The following TAFA2 variants were observed in gnomAD, a reference collection of about 807,000 sequenced individuals.
TAFA2 encodes the protein TAFA chemokine like family member 2.
A neutral mutation model predicts 18.8 loss-of-function variants in TAFA2; 7 were observed. That is an observed-to-expected ratio of 0.37 (90% confidence interval 0.21 to 0.70). The LOEUF is 0.70. TAFA2 is among the 30% of genes least tolerant of loss of function. The pLI is 0.53. For synonymous variants in TAFA2, 60 were observed against 54.2 expected, an observed-to-expected ratio of 1.11 and a Z score of -0.47; for missense variants, 122 against 158.1, an observed-to-expected ratio of 0.77 and a Z score of 1.23.
At chr12:62,245,014 CA>C (rs2062878545) in intron 1 of TAFA2, among the ~76,000 whole-genome samples, 1 of 152,002 alleles carries the variant, frequency 6.6e-6, no homozygotes, top group African/African-American at 2.4e-5. Context: ...AGAAGTTTTT[CA>C]TTTCAGTATA....
intron 1 of TAFA2, among the ~76,000 whole-genome samples, chr12:62,025,191 G>C (rs2136736281): frequency 6.6e-6 from 1 of 152,144 alleles, no homozygotes; most frequent in South Asian, 2.1e-4. Context: ...CTTATAAGTG[G>C]GAGCTAAACA....
At chr12:61,735,746 C>A (rs950709733) in intron 4 of TAFA2, among the ~76,000 whole-genome samples, 15 of 151,888 alleles carry the variant, frequency 9.9e-5, no homozygotes, top group African/African-American at 3.6e-4. Flanking sequence ...CTTAGTGCAG[C>A]AGTTCTGCAG....
chr12:61,892,662 C>T (rs1875686035), intron 1 of TAFA2, among the ~76,000 whole-genome samples: 1 of 152,094 alleles, frequency 6.6e-6, no homozygotes, highest in Admixed American at 6.6e-5. Context: ...CATGGAAAAA[C>T]TCCGTCTCTA....
chr12:62,193,676 G>C (rs1008772228), upstream of TAFA2, among the ~76,000 whole-genome samples: 2 of 152,130 alleles, frequency 1.3e-5, no homozygotes, highest in African/African-American at 4.8e-5. Context: ...TGTTACATCA[G>C]TCCAAATCAA....
chr12:61,716,333 G>C (rs896268222), intron 4 of TAFA2, among the ~76,000 whole-genome samples: 20 of 152,200 alleles, frequency 1.3e-4, no homozygotes, highest in Admixed American at 1.1e-3. Context: ...ACATATTTAG[G>C]AAGTTGGCAC....
intron 4 of TAFA2, among the ~76,000 whole-genome samples, chr12:61,716,615 A>G (rs537806568): frequency 6.6e-6 from 1 of 152,228 alleles, no homozygotes; most frequent in Non-Finnish European, 1.5e-5. Flanking sequence ...TGTTCATTAA[A>G]ATCATGTTAT....
intron 1 of TAFA2, among the ~76,000 whole-genome samples, chr12:62,249,827 G>C (rs1402810914): frequency 6.6e-6 from 1 of 152,090 alleles, no homozygotes; most frequent in East Asian, 1.9e-4. Flanking sequence ...CTCTAAACAG[G>C]AGATTCAGAC....
intron 4 of TAFA2, among the ~76,000 whole-genome samples, chr12:61,728,814 T>C (rs1870301143): frequency 6.6e-6 from 1 of 151,580 alleles, no homozygotes; most frequent in Admixed American, 6.6e-5. Context: ...TTTTTTTTCA[T>C]TGTATTATTG....
chr12:62,108,880 C>T (rs1306794677), intron 1 of TAFA2, among the ~76,000 whole-genome samples: 2 of 152,062 alleles, frequency 1.3e-5, no homozygotes, highest in Non-Finnish European at 2.9e-5. Context: ...TGGATATTAG[C>T]CCTTTGTCAG....
chr12:61,760,375 T>TATATATATATATATATATATATATATAA, intron 2 of TAFA2, among the ~76,000 whole-genome samples: 1 of 147,616 alleles, frequency 6.8e-6, no homozygotes, highest in African/African-American at 2.5e-5. Flanking sequence ...AATATATATA[T>TATATATATATATATATATATATATATAA]ATATATATGC....
chr12:62,026,037 G>A (rs1881301761), intron 1 of TAFA2, among the ~76,000 whole-genome samples: 1 of 151,974 alleles, frequency 6.6e-6, no homozygotes, highest in Non-Finnish European at 1.5e-5. Context: ...AATCAATGAG[G>A]ATCGTTAATA....
intron 1 of TAFA2, among the ~76,000 whole-genome samples, chr12:61,979,357 A>G (rs370385371): frequency 6.6e-6 from 1 of 152,136 alleles, no homozygotes; most frequent in African/African-American, 2.4e-5. Context: ...AAGATCTTCA[A>G]TGAAGGTTTT....
intron 1 of TAFA2, among the ~76,000 whole-genome samples, chr12:62,205,176 A>G (rs2136969835): frequency 6.6e-6 from 1 of 152,330 alleles, no homozygotes; most frequent in East Asian, 1.9e-4. Context: ...AGGCTGCACA[A>G]TAGCAAAGAT....
At chr12:62,073,829 A>G (rs556539207) in intron 1 of TAFA2, among the ~76,000 whole-genome samples, 15 of 152,250 alleles carry the variant, frequency 9.9e-5, no homozygotes, top group Non-Finnish European at 1.9e-4. Context: ...TTCCTATGCC[A>G]CGACTATACA....
At chr12:61,809,248 T>C (rs1271151994) in intron 2 of TAFA2, among the ~76,000 whole-genome samples, 1 of 151,566 alleles carries the variant, frequency 6.6e-6, no homozygotes, top group East Asian at 1.9e-4. Context: ...GGCAAAATTA[T>C]TGAGCCATTA....
At chr12:62,057,467 G>T (rs1431712404) in intron 1 of TAFA2, among the ~76,000 whole-genome samples, 1 of 150,882 alleles carries the variant, frequency 6.6e-6, no homozygotes, top group Non-Finnish European at 1.5e-5. Context: ...ATTATATGAG[G>T]GTTTATTCCT....
chr12:61,810,550 A>G (rs1213082260), intron 2 of TAFA2, among the ~76,000 whole-genome samples: 3 of 151,452 alleles, frequency 2.0e-5, no homozygotes, highest in Non-Finnish European at 4.4e-5. Flanking sequence ...AAGTATTAAT[A>G]AAGTTTAAAT....
At chr12:62,032,783 T>C (rs1179954423) in intron 1 of TAFA2, among the ~76,000 whole-genome samples, 1 of 152,116 alleles carries the variant, frequency 6.6e-6, no homozygotes, top group Admixed American at 6.6e-5. Context: ...TTACCATATA[T>C]GAATCAGACA....
intron 4 of TAFA2, among the ~76,000 whole-genome samples, chr12:61,726,459 T>G (rs1266869459): frequency 6.6e-6 from 1 of 152,100 alleles, no homozygotes; most frequent in Non-Finnish European, 1.5e-5. Context: ...CCTCCTTGGT[T>G]AGGTGTACTC....
Sources: allele counts gnomAD v4.1 joint callset (sites outside exome capture counted in the v4.1 genomes callset), GRCh38; gene constraint gnomAD v4.1.1; transcripts MANE v1.5; gene names NCBI Gene and HGNC (gene_info 2026-07-23, HGNC 2026-07-21).